The following DLG2 variants were observed in gnomAD, a reference collection of about 807,000 sequenced individuals.
DLG2 encodes the protein disks large homolog 2.
A neutral mutation model predicts 132.5 loss-of-function variants in DLG2; 45 were observed. That is an observed-to-expected ratio of 0.34 (90% CI 0.27 to 0.44). DLG2 has a LOEUF of 0.44. Ranked by LOEUF, DLG2 falls within the 20% of genes least tolerant of loss-of-function variation. DLG2 has a pLI of 1.00. For missense variants in DLG2, 1,045 were observed against 1,196.9 expected (o/e 0.87, Z 1.87); for synonymous variants, 424 against 419.6 (o/e 1.01, Z -0.13).
intron 22 of DLG2, among the ~76,000 whole-genome samples, chr11:83,481,506 A>G (rs1371692978): frequency 2.6e-5 from 4 of 152,156 alleles, no homozygotes; most frequent in Admixed American, 1.3e-4. Flanking sequence ...TCTAACAATA[A>G]AAAAGTGCTT....
At chr11:84,270,634 C>T (rs1454359172) in intron 7 of DLG2, among the ~76,000 whole-genome samples, 2 of 152,090 alleles carry the variant, frequency 1.3e-5, no homozygotes, top group African/African-American at 4.8e-5. Flanking sequence ...TGATTCATAG[C>T]TTATGGTGTG....
intron 6 of DLG2, among the ~76,000 whole-genome samples, chr11:84,721,245 T>C (rs370182517): frequency 6.6e-6 from 1 of 152,094 alleles, no homozygotes; most frequent in Admixed American, 6.5e-5. Context: ...AAATCTGGGG[T>C]AGAAAACAGG....
intron 3 of DLG2, among the ~76,000 whole-genome samples, chr11:85,332,244 G>C (rs913966966): frequency 1.3e-5 from 2 of 152,124 alleles, no homozygotes; most frequent in African/African-American, 4.8e-5. Flanking sequence ...TCATGTGTTT[G>C]TTGTCCATAA....
chr11:85,035,310 CT>C (rs1203837667), intron 6 of DLG2, among the ~76,000 whole-genome samples: 1 of 152,144 alleles, frequency 6.6e-6, no homozygotes, highest in African/African-American at 2.4e-5. Flanking sequence ...AAAAATGGCA[CT>C]GTATTTATGT....
rs1411593683 is a variant in DLG2, at chr11:85,290,536, G to C, written c.41-5171C>G. 2.0e-5 allele frequency among the ~76,000 whole-genome samples: 3 copies of C among 151,906 alleles called. No homozygotes were observed. In the South Asian group the frequency reaches 6.2e-4, roughly 32 times the overall value. Reference sequence around the variant, plus strand: ...CCTCTTGCAGTGACTCAAAAGAAAAGTGGGGTTAAAGAGGGGAATAGGGTG... The same window carrying C: ...CCTCTTGCAGTGACTCAAAAGAAAACTGGGGTTAAAGAGGGGAATAGGGTG... On this transcript the variant is annotated intron_variant, in intron 3 of 27. Transcript: ENST00000376104.
intron 6 of DLG2, among the ~76,000 whole-genome samples, chr11:84,542,161 GA>G (rs1456765869): frequency 2.0e-5 from 3 of 151,958 alleles, no homozygotes; most frequent in Admixed American, 1.3e-4. Context: ...GAAAGAGAGA[GA>G]GGGGGAAGGA....
chr11:84,001,522 A>T (rs1238864534), intron 11 of DLG2, among the ~76,000 whole-genome samples: 1 of 152,094 alleles, frequency 6.6e-6, no homozygotes, highest in Non-Finnish European at 1.5e-5. Context: ...TCAATATCCC[A>T]CTCGGCATTA....
At position 85,318,129 on chromosome 11, in the gene DLG2, G is replaced by C. The variant is rs571282805; in HGVS notation, c.41-32764C>G. Among the ~76,000 whole-genome samples, 4 of 151,978 alleles carry C rather than the reference G, an allele frequency of 2.6e-5. No individual in the cohort carries two copies. The South Asian group carries it at 6.2e-4, about 24-fold the overall frequency. On this transcript the variant is annotated intron_variant, in intron 3 of 27. Coordinates refer to ENST00000376104, the MANE Select transcript of DLG2 (RefSeq NM_001142699.3). ...AAAAAGTAGAAGCAGTATTTAATCT[G>C]AGTGGATTATCAATAACTTGTCAAA...
intron 7 of DLG2, among the ~76,000 whole-genome samples, chr11:84,338,155 A>G (rs2098496505): frequency 6.6e-6 from 1 of 152,224 alleles, no homozygotes; most frequent in African/African-American, 2.4e-5. Context: ...TGAGACAGGT[A>G]TCAAATCTGT....
chr11:85,476,472 CTACTT>C (rs2093145895), intron 3 of DLG2, among the ~76,000 whole-genome samples: 1 of 152,036 alleles, frequency 6.6e-6, no homozygotes, highest in Non-Finnish European at 1.5e-5. Flanking sequence ...TGTAACTTTT[CTACTT>C]TACACATCTT....
rs540350966 is a variant in DLG2 at position 84,654,408 on chromosome 11, C to A, written c.358-119677G>T. On this transcript the variant is annotated intron_variant, in intron 6 of 27. Coordinates refer to ENST00000376104, the MANE Select transcript of DLG2 (RefSeq NM_001142699.3). ...TTGCAGTCTACCATTGATCACTTTC[C>A]TGGGGGGAGGGACTATTTTTCACCT... Among the ~76,000 whole-genome samples the A allele has an allele frequency of 5.7e-4, 87 of 152,226 alleles. 1 individual carries two copies. Among genetic ancestry groups the A allele is most frequent in the Non-Finnish European group, 8.8e-4 (60 of 68,008 alleles).
intron 7 of DLG2, among the ~76,000 whole-genome samples, chr11:84,300,974 G>C (rs891240114): frequency 6.6e-6 from 1 of 152,096 alleles, no homozygotes; most frequent in African/African-American, 2.4e-5. Flanking sequence ...TATTAACCTA[G>C]TGTTTTGTCT....
At chr11:83,622,918 G>T (rs1473024847) in intron 19 of DLG2, among the ~76,000 whole-genome samples, 1 of 152,006 alleles carries the variant, frequency 6.6e-6, no homozygotes, top group Non-Finnish European at 1.5e-5. Flanking sequence ...ATGTCCAATT[G>T]GTTCAGTCAC....
At chr11:83,676,662 G>C (rs1252296192) in intron 18 of DLG2, among the ~76,000 whole-genome samples, 1 of 152,166 alleles carries the variant, frequency 6.6e-6, no homozygotes, top group Admixed American at 6.6e-5. Context: ...GGAAAGCAAG[G>C]GTGCAAGGTT....
chr11:84,446,385 G>T (rs1168839154), intron 7 of DLG2, among the ~76,000 whole-genome samples: 4 of 151,818 alleles, frequency 2.6e-5, no homozygotes, highest in Non-Finnish European at 5.9e-5. Flanking sequence ...TTCACTCATG[G>T]TGAGTATTTT....
At chr11:84,983,119 G>A (rs758853211) in intron 6 of DLG2, among the ~76,000 whole-genome samples, 15 of 152,102 alleles carry the variant, frequency 9.9e-5, no homozygotes, top group African/African-American at 1.7e-4. Flanking sequence ...TACAGATCAC[G>A]GATGGACAGA....
chr11:84,095,099 T>C (rs549297032), intron 10 of DLG2, among the ~76,000 whole-genome samples: 5 of 151,670 alleles, frequency 3.3e-5, no homozygotes, highest in Admixed American at 3.3e-4. Context: ...GACAGGAAAC[T>C]TAGGGAAGAA....
intron 6 of DLG2, among the ~76,000 whole-genome samples, chr11:84,891,129 C>T (rs77672179): frequency 0.069 from 10,531 of 152,122 alleles, 365 homozygotes; most frequent in Admixed American, 0.094. Context: ...GTTAGATTTC[C>T]CTTTGGCATC....
intron 11 of DLG2, among the ~76,000 whole-genome samples, chr11:84,011,967 C>T (rs1033348380): frequency 1.3e-5 from 2 of 151,802 alleles, no homozygotes; most frequent in Non-Finnish European, 1.5e-5. Flanking sequence ...TTATAAAATC[C>T]TTCAATCAAT....
Sources: allele counts gnomAD v4.1 joint callset (sites outside exome capture counted in the v4.1 genomes callset), GRCh38; gene constraint gnomAD v4.1.1; transcripts MANE v1.5; gene names NCBI Gene and HGNC (gene_info 2026-07-23, HGNC 2026-07-21).